Variants in ZNF609 observed in about 807,000 individuals in gnomAD.
ZNF609 encodes the protein zinc finger protein 609.
A neutral mutation model predicts 109.5 loss-of-function variants in ZNF609; 11 were observed. The observed-to-expected ratio is 0.10, with a 90% CI of 0.06 to 0.17. ZNF609 has a LOEUF of 0.17. Ranked by LOEUF, ZNF609 falls within the 10% of genes least tolerant of loss-of-function variation. The pLI is 1.00. For synonymous variants in ZNF609, 646 were observed against 662.0 expected (o/e 0.98, Z 0.37); for missense variants, 1,559 against 1,772.4 (o/e 0.88, Z 2.16).
chr15:64,537,999 G>A (rs750971160), intron 2 of ZNF609, among the ~76,000 whole-genome samples: 103 of 151,960 alleles, frequency 6.8e-4, no homozygotes, highest in Admixed American at 1.1e-3. Flanking sequence ...CCAGCTACTC[G>A]GGAGGCTGAG....
At chr15:64,642,296 A>G (rs1044979587) in intron 3 of ZNF609, among the ~76,000 whole-genome samples, 1 of 151,920 alleles carries the variant, frequency 6.6e-6, no homozygotes, top group South Asian at 2.1e-4. Context: ...CAACCCTCTC[A>G]CCTCAACTTC....
At chr15:64,529,050 AG>A in intron 2 of ZNF609, 1 of 1,337,210 alleles carries the variant, frequency 7.5e-7, no homozygotes, top group Non-Finnish European at 1.1e-6. Context: ...CAGTAGAGAC[AG>A]GGATGATGTC....
intron 2 of ZNF609, among the ~76,000 whole-genome samples, chr15:64,509,640 TTTGA>T (rs1893688950): frequency 6.6e-6 from 1 of 152,230 alleles, no homozygotes; most frequent in African/African-American, 2.4e-5. Flanking sequence ...GGTTTTGTTG[TTTGA>T]TTGGTCAGTT....
At chr15:64,541,470 A>G (rs532872889) in intron 2 of ZNF609, among the ~76,000 whole-genome samples, 2 of 151,576 alleles carry the variant, frequency 1.3e-5, no homozygotes, top group African/African-American at 4.8e-5. Context: ...TGAAAAGAGA[A>G]TAATTGGCAG....
rs1174360134 is a variant in ZNF609 at position 64,674,494 on chromosome 15, G to A, written c.1640G>A (p.Ser547Asn). Residue 547 changes from serine to asparagine, a missense_variant, in exon 5 of 10, where the codon AGC becomes AAC. Physicochemically the swap from Ser to Asn is conservative, Grantham distance 46 (BLOSUM62 1). This residue lies in a region of ZNF609 where 1,204 missense variants were observed against 1,314.1 expected (regional missense o/e 0.92). Coordinates refer to ENST00000326648, the MANE Select transcript of ZNF609 (RefSeq NM_015042.2). ...EEPILHADLGSCNGASVSQKG... is the reference protein window; with the variant it reads ...EEPILHADLGNCNGASVSQKG... ...CCTATTCTCCATGCAGATCTTGGGA[G>A]CTGCAACGGTGCATCTGTCTCACAA... The A allele has an allele frequency of 6.2e-7, 1 of 1,614,186 alleles. No homozygotes were observed. Among genetic ancestry groups the A allele is most frequent in the South Asian group, 1.1e-5 (1 of 91,082 alleles).
At chr15:64,593,454 T>C (rs1207018897) in intron 2 of ZNF609, 2 of 644,048 alleles carry the variant, frequency 3.1e-6, no homozygotes, top group East Asian at 2.7e-5. Context: ...ATGTTCACGA[T>C]GCAGTGAAAT....
At chr15:64,645,649 A>G (rs2899700) in intron 3 of ZNF609, among the ~76,000 whole-genome samples, 125,954 of 152,030 alleles carry the variant, frequency 0.83, 54,301 homozygotes, top group East Asian at 1. Flanking sequence ...TAAGTGATTA[A>G]TATCTAGAAT....
At chr15:64,652,899 G>A (rs569319381) in intron 3 of ZNF609, 2 of 153,362 alleles carry the variant, frequency 1.3e-5, no homozygotes, top group East Asian at 3.9e-4. Context: ...GCTGGTCTGA[G>A]TGCAGTGGTG....
chr15:64,678,257 G>T lies in ZNF609; in HGVS notation c.3544G>T (p.Asp1182Tyr). 6.2e-7 allele frequency: 1 copy of T among 1,614,186 alleles called. No homozygotes were observed. The highest frequency in any genetic ancestry group is 1.3e-5 in the African/African-American group (1 of 75,038). Residue 1182 changes from aspartate (D) to tyrosine (Y), a missense_variant, in exon 6 of 10, where the codon GAT (aspartate) becomes TAT (tyrosine). Asp to Tyr is a radical substitution (Grantham distance 160, BLOSUM62 -3). This residue lies in a region of ZNF609 where 1,204 missense variants were observed against 1,314.1 expected (regional missense o/e 0.92). Transcript: ENST00000326648. ...SRSKDSVPKE[D>Y]GKESTSSDCK... Reference sequence around the variant, plus strand: ...GAGTAAGGACTCTGTCCCCAAGGAAGATGGGAAGGAAAGCACAAGTAGTGA... The same window carrying T: ...GAGTAAGGACTCTGTCCCCAAGGAATATGGGAAGGAAAGCACAAGTAGTGA...
chr15:64,553,806 G>T (rs1262984281), intron 2 of ZNF609, among the ~76,000 whole-genome samples: 1 of 151,788 alleles, frequency 6.6e-6, no homozygotes. Flanking sequence ...CATCATGTTG[G>T]CCAGGAAGGT....
At chr15:64,633,918 A>C (rs1382920249) in intron 3 of ZNF609, among the ~76,000 whole-genome samples, 3 of 152,032 alleles carry the variant, frequency 2.0e-5, no homozygotes, top group African/African-American at 7.2e-5. Context: ...AATGTTTACC[A>C]ATCTCATGCC....
At chr15:64,680,462 G>A in intron 7 of ZNF609, 102 bp downstream of exon 7, 1 of 1,465,726 alleles carries the variant, frequency 6.8e-7, no homozygotes, top group South Asian at 1.3e-5. Flanking sequence ...CCACAGTGCA[G>A]CTTGGCTGAC....
At chr15:64,538,609 C>T (rs1168176784) in intron 2 of ZNF609, among the ~76,000 whole-genome samples, 2 of 152,094 alleles carry the variant, frequency 1.3e-5, no homozygotes, top group Non-Finnish European at 2.9e-5. Context: ...TGCAGTGGGG[C>T]GATCTTGGCT....
rs75551752 is a variant in ZNF609, at chr15:64,610,092, T to G, written c.748-12735T>G. 0.035 allele frequency among the ~76,000 whole-genome samples: 5,331 copies of G among 152,222 alleles called. 525 individuals are homozygous for G. In the East Asian group the frequency reaches 0.42, roughly 12 times the overall value. ...AGTGTCACACCTGTAATCCTAGCACTTTGGGAGGCCAAGGCACAAGGATCT... is the reference window on the plus strand; with the variant it reads ...AGTGTCACACCTGTAATCCTAGCACGTTGGGAGGCCAAGGCACAAGGATCT... On this transcript the variant is annotated intron_variant, in intron 2 of 9. Transcript: ENST00000326648.
chr15:64,676,579 C>G (rs556476191), intron 5 of ZNF609, among the ~76,000 whole-genome samples: 3 of 150,826 alleles, frequency 2.0e-5, no homozygotes, highest in Non-Finnish European at 4.4e-5. Context: ...TACAGGCACA[C>G]GCCACCATGC....
intron 2 of ZNF609, among the ~76,000 whole-genome samples, chr15:64,563,901 TGAGACG>T (rs1894731640): frequency 6.6e-6 from 1 of 152,204 alleles, no homozygotes; most frequent in Non-Finnish European, 1.5e-5. Context: ...ATTTATTTTT[TGAGACG>T]GAGTCTCGCT....
chr15:64,658,545 TC>T (rs1259867227), intron 3 of ZNF609, among the ~76,000 whole-genome samples: 1 of 151,714 alleles, frequency 6.6e-6, no homozygotes, highest in African/African-American at 2.4e-5. Context: ...ACACTTATAA[TC>T]CCAGCACTTT....
chr15:64,516,937 A>G (rs1452112145), intron 2 of ZNF609, among the ~76,000 whole-genome samples: 1 of 152,174 alleles, frequency 6.6e-6, no homozygotes. Context: ...ACCAGGTTCC[A>G]GCAGTCCCTT....
At chr15:64,658,420 C>T (rs1225784520) in intron 3 of ZNF609, among the ~76,000 whole-genome samples, 1 of 152,130 alleles carries the variant, frequency 6.6e-6, no homozygotes, top group Non-Finnish European at 1.5e-5. Flanking sequence ...TGGTCTCGAA[C>T]TCCTGATCTT....
Sources: allele counts gnomAD v4.1 joint callset (sites outside exome capture counted in the v4.1 genomes callset), GRCh38; gene constraint gnomAD v4.1.1; regional missense constraint gnomAD v4.1.1; transcripts MANE v1.5; gene names NCBI Gene and HGNC (gene_info 2026-07-23, HGNC 2026-07-21).